The following CNTNAP2 variants were observed in gnomAD, a reference collection of about 807,000 sequenced individuals.
The protein encoded by CNTNAP2 is contactin associated protein 2, also known as contactin-associated protein-like 2.
Under a neutral mutation model 155.2 loss-of-function variants are expected in CNTNAP2, and 98 were observed. The ratio of observed to expected loss-of-function variants is 0.63; its 90% CI spans 0.54 to 0.75. The LOEUF (loss-of-function observed/expected upper bound fraction) is 0.75, where lower values mean the gene tolerates loss of function less well. Among genes scored for constraint, CNTNAP2 ranks in the 30% least tolerant of loss-of-function variants. CNTNAP2 has a pLI of 0.00. For missense variants in CNTNAP2, 1,727 were observed against 1,688.1 expected, an observed-to-expected ratio of 1.02 and a Z score of -0.40; for synonymous variants, 651 against 631.2, an observed-to-expected ratio of 1.03 and a Z score of -0.47.
chr7:146,423,529 C>T (rs1005390107), intron 1 of CNTNAP2, among the ~76,000 whole-genome samples: 1 of 152,062 alleles, frequency 6.6e-6, no homozygotes, highest in Non-Finnish European at 1.5e-5. Context: ...TCTTGAGTAC[C>T]TCATGGATAA....
intron 1 of CNTNAP2, among the ~76,000 whole-genome samples, chr7:146,718,166 ACAGT>A (rs1236164941): frequency 1.3e-5 from 2 of 152,318 alleles, no homozygotes; most frequent in East Asian, 3.9e-4. Context: ...ATAGTTATAA[ACAGT>A]CAGTGCACAT....
rs192965164 is a variant in CNTNAP2 at position 148,150,415 on chromosome 7, G to A, written c.2773+2706G>A. 1.2e-3 allele frequency among the ~76,000 whole-genome samples: 187 copies of A among 152,274 alleles called. 1 individual carries two copies. The highest frequency in any genetic ancestry group is 4.4e-3 in the African/African-American group (182 of 41,568). On this transcript the variant is annotated intron_variant, in intron 17 of 23. Coordinates refer to ENST00000361727, the MANE Select transcript of CNTNAP2 (RefSeq NM_014141.6). ...TACAAAAAATTAGCCAGGCATGGTG[G>A]TGGGTGCCTGTAGTCCCAGCTACTC... is the stretch of plus-strand genomic sequence containing the variant.
intron 3 of CNTNAP2, among the ~76,000 whole-genome samples, chr7:147,004,971 G>A (rs1408751754): frequency 6.6e-6 from 1 of 152,056 alleles, no homozygotes; most frequent in Non-Finnish European, 1.5e-5. Context: ...AAAGTTTTAT[G>A]TGTATTTAAA....
At chr7:146,520,679 T>G (rs1304450000) in intron 1 of CNTNAP2, among the ~76,000 whole-genome samples, 1 of 151,808 alleles carries the variant, frequency 6.6e-6, no homozygotes, top group Non-Finnish European at 1.5e-5. Context: ...TATAATGAAG[T>G]AGAAAGATAT....
intron 4 of CNTNAP2, among the ~76,000 whole-genome samples, chr7:147,050,121 T>A (rs1799445490): frequency 1.3e-5 from 2 of 152,226 alleles, no homozygotes; most frequent in African/African-American, 4.8e-5. Context: ...TGCATGCAGT[T>A]ATTTTTAAAA....
intron 13 of CNTNAP2, among the ~76,000 whole-genome samples, chr7:147,723,824 G>A (rs754976206): frequency 3.3e-5 from 5 of 151,846 alleles, no homozygotes; most frequent in Admixed American, 6.6e-5. Context: ...ATTGCCTAAC[G>A]ATCAAGTCAG....
chr7:147,549,642 G>T (rs981056719), intron 11 of CNTNAP2, among the ~76,000 whole-genome samples: 48 of 152,262 alleles, frequency 3.2e-4, no homozygotes, highest in African/African-American at 1.0e-3. Context: ...GACAGATATG[G>T]TAAGACCAAT....
chr7:148,244,399 G>A (rs1257026773), intron 20 of CNTNAP2, among the ~76,000 whole-genome samples: 1 of 152,140 alleles, frequency 6.6e-6, no homozygotes, highest in Non-Finnish European at 1.5e-5. Flanking sequence ...TTTTAGGAAG[G>A]TTGGTAATCT....
chr7:147,724,403 G>A (rs1796613224), intron 13 of CNTNAP2, among the ~76,000 whole-genome samples: 1 of 152,034 alleles, frequency 6.6e-6, no homozygotes, highest in African/African-American at 2.4e-5. Flanking sequence ...GCAAACAGCT[G>A]ATTGTTAAAG....
At chr7:146,132,942 T>A (rs62504788) in intron 1 of CNTNAP2, among the ~76,000 whole-genome samples, 61,466 of 146,154 alleles carry the variant, frequency 0.42, 14,722 homozygotes, top group East Asian at 0.6. Context: ...ATGGGATGGC[T>A]GGGTCAAATG....
chr7:147,681,335 TC>T (rs1795945820), intron 13 of CNTNAP2, among the ~76,000 whole-genome samples: 1 of 151,980 alleles, frequency 6.6e-6, no homozygotes, highest in African/African-American at 2.4e-5. Context: ...ATATCATTCT[TC>T]CTGAAACACT....
chr7:147,085,153 G>A (rs901007546), intron 4 of CNTNAP2, among the ~76,000 whole-genome samples: 3 of 152,094 alleles, frequency 2.0e-5, no homozygotes, highest in African/African-American at 7.2e-5. Flanking sequence ...AGAAAAGTGT[G>A]ATGAAAATTA....
chr7:146,728,757 T>A lies in CNTNAP2; in HGVS notation c.98-45514T>A, dbSNP rs181333887. On this transcript the variant is annotated intron_variant, in intron 1 of 23. Transcript: ENST00000361727. ...TGTCCTTTTAGACAATCTACCATGA[T>A]CTTAAATGAAAGGCTTAAGTTCAAA... 2.0e-5 allele frequency among the ~76,000 whole-genome samples: 3 copies of A among 152,286 alleles called. No individual in the cohort carries two copies. In the East Asian group the frequency reaches 5.8e-4, roughly 29 times the overall value.
intron 1 of CNTNAP2, among the ~76,000 whole-genome samples, chr7:146,171,992 C>T (rs1433642198): frequency 2.0e-5 from 3 of 146,704 alleles, no homozygotes; most frequent in Non-Finnish European, 4.5e-5. Flanking sequence ...TTGCTTTGTA[C>T]CTTTATTTCT....
At chr7:147,836,235 C>T (rs1323415578) in intron 13 of CNTNAP2, among the ~76,000 whole-genome samples, 4 of 152,160 alleles carry the variant, frequency 2.6e-5, no homozygotes, top group Non-Finnish European at 5.9e-5. Flanking sequence ...GGAATAATTA[C>T]ACACGTAACG....
At chr7:147,528,445 AC>A (rs1458275504) in intron 11 of CNTNAP2, among the ~76,000 whole-genome samples, 1 of 152,032 alleles carries the variant, frequency 6.6e-6, no homozygotes, top group Non-Finnish European at 1.5e-5. Context: ...ACAGAACCTT[AC>A]TCATTCTGTC....
intron 3 of CNTNAP2, among the ~76,000 whole-genome samples, chr7:147,002,021 A>T (rs1798434117): frequency 6.6e-6 from 1 of 151,954 alleles, no homozygotes; most frequent in South Asian, 2.1e-4. Context: ...TAAAGTTGAG[A>T]AAGGAAATCA....
At chr7:148,405,741 G>A (rs1465593364) in intron 22 of CNTNAP2, among the ~76,000 whole-genome samples, 3 of 145,822 alleles carry the variant, frequency 2.1e-5, no homozygotes, top group African/African-American at 5.1e-5. Flanking sequence ...TCAGCCTCCC[G>A]AGTAGCTGGG....
intron 1 of CNTNAP2, among the ~76,000 whole-genome samples, chr7:146,613,833 GCTTTT>G (rs1799180525): frequency 2.4e-5 from 1 of 42,544 alleles, no homozygotes; most frequent in Non-Finnish European, 7.7e-5. Flanking sequence ...TGTTCTTTCA[GCTTTT>G]CTTTCACAGT....
Sources: allele counts gnomAD v4.1 joint callset (sites outside exome capture counted in the v4.1 genomes callset), GRCh38; gene constraint gnomAD v4.1.1; transcripts MANE v1.5; gene names NCBI Gene and HGNC (gene_info 2026-07-23, HGNC 2026-07-21).